BANK1: variants seen among roughly 807,000 people sequenced by gnomAD.
BANK1 encodes B-cell scaffold protein with ankyrin repeats.
Under a neutral mutation model 94.5 loss-of-function variants are expected in BANK1, and 95 were observed. That is an observed-to-expected ratio of 1.00 (90% CI 0.85 to 1.19). BANK1 has a LOEUF of 1.19. BANK1 is among the 50% of genes most tolerant of loss of function. BANK1 has a pLI of 0.00. For missense variants in BANK1, 987 were observed against 932.2 expected (o/e 1.06, Z -0.77); for synonymous variants, 334 against 308.4 (o/e 1.08, Z -0.87).
intron 13 of BANK1, among the ~76,000 whole-genome samples, chr4:102,066,167 G>A (rs1167677392): frequency 1.3e-5 from 2 of 150,880 alleles, no homozygotes; most frequent in African/African-American, 4.9e-5. Flanking sequence ...CTTGAAAGCA[G>A]CCAGAGAAAA....
At chr4:101,890,898 T>A (rs1429302679) in intron 5 of BANK1, among the ~76,000 whole-genome samples, 2 of 151,840 alleles carry the variant, frequency 1.3e-5, no homozygotes, top group Non-Finnish European at 2.9e-5. Context: ...CCAGTTTGAG[T>A]GAAGTATAAA....
Position 101,790,922 on chromosome 4 carries a change from C to T in BANK1, c.42C>T (p.Asp14=), listed in dbSNP as rs765841651. 23 of 1,533,016 alleles carry T rather than the reference C, an allele frequency of 1.5e-5. 1 individual carries two copies. The highest frequency in any genetic ancestry group is 1.8e-5 in the Non-Finnish European group (21 of 1,145,244). The allele number at this position is 1,533,016 out of a possible 1,614,324, so 95.0% of individuals were successfully genotyped here. A position where few individuals can be genotyped will look rare whatever the true frequency, so the allele number is the denominator to read the frequency against. Residue 14 remains aspartate, a synonymous_variant, in exon 1 of 17, where the codon GAC becomes GAT. Transcript: ENST00000322953. ...CAGGCAAGGGGCTTGGGAGCCCGGA[C>T]CCCGCCCCCTGCGGCCCAGCGCCCC... ...AAPGKGLGSP[D]PAPCGPAPPG...
At position 101,908,946 on chromosome 4, in the gene BANK1, T is replaced by G. The variant is rs1327093072; in HGVS notation, c.1010-9047T>G. On this transcript the variant is annotated intron_variant, in intron 6 of 16. Coordinates refer to ENST00000322953, the MANE Select transcript of BANK1 (RefSeq NM_017935.5). ...GGATGTGGAGAAACAGGAACACTTT[T>G]ACACTGTTGGTGGGACTGTAAACTG... 1.3e-4 allele frequency among the ~76,000 whole-genome samples: 20 copies of G among 152,324 alleles called. No individual in the cohort carries two copies. In the East Asian group the frequency reaches 2.9e-3, roughly 22 times the overall value.
chr4:101,925,812 T>C (rs763750485), intron 7 of BANK1, among the ~76,000 whole-genome samples: 65 of 151,796 alleles, frequency 4.3e-4, no homozygotes, highest in Non-Finnish European at 4.4e-4. Context: ...ACCAATTAGC[T>C]TGTGTAGAAC....
intron 7 of BANK1, among the ~76,000 whole-genome samples, chr4:101,991,710 T>G (rs756421405): frequency 1.3e-5 from 2 of 152,078 alleles, no homozygotes; most frequent in African/African-American, 4.8e-5. Context: ...AACAATTCCA[T>G]GTATATCTGG....
At chr4:101,982,303 C>A (rs1234524239) in intron 7 of BANK1, among the ~76,000 whole-genome samples, 1 of 151,496 alleles carries the variant, frequency 6.6e-6, no homozygotes, top group East Asian at 1.9e-4. Context: ...TAAGACAGAA[C>A]TTTAACAACC....
At chr4:101,821,980 C>T (rs780915733) in intron 1 of BANK1, among the ~76,000 whole-genome samples, 4 of 151,984 alleles carry the variant, frequency 2.6e-5, no homozygotes, top group African/African-American at 9.7e-5. Flanking sequence ...GGCCATCCTC[C>T]GGGAAAGAAA....
At chr4:101,818,638 G>A (rs535335864) in intron 1 of BANK1, among the ~76,000 whole-genome samples, 50 of 152,110 alleles carry the variant, frequency 3.3e-4, no homozygotes, top group African/African-American at 1.2e-3. Context: ...AAGAGAAAGA[G>A]AAACCACATT....
chr4:101,895,832 C>T (rs1471787865), intron 6 of BANK1, among the ~76,000 whole-genome samples: 1 of 151,626 alleles, frequency 6.6e-6, no homozygotes, highest in East Asian at 1.9e-4. Context: ...ATTTATGCTT[C>T]CCGGGGTGAT....
chr4:101,964,581 A>T (rs554532509), intron 7 of BANK1, among the ~76,000 whole-genome samples: 155 of 152,154 alleles, frequency 1.0e-3, no homozygotes, highest in African/African-American at 3.6e-3. Flanking sequence ...AAGTTCAATT[A>T]TGAAACTTAC....
intron 7 of BANK1, among the ~76,000 whole-genome samples, chr4:101,956,167 A>G (rs1724329813): frequency 6.6e-6 from 1 of 152,176 alleles, no homozygotes; most frequent in Non-Finnish European, 1.5e-5. Flanking sequence ...GGGACTCAAA[A>G]CAAGGAAGAC....
intron 1 of BANK1, among the ~76,000 whole-genome samples, chr4:101,829,002 A>G (rs542068913): frequency 1.3e-5 from 2 of 151,980 alleles, no homozygotes; most frequent in African/African-American, 2.4e-5. Context: ...GCCTGGGACT[A>G]CAGGCACCCA....
intron 11 of BANK1, among the ~76,000 whole-genome samples, chr4:102,052,337 G>A (rs1728081017): frequency 6.6e-6 from 1 of 151,446 alleles, no homozygotes; most frequent in Admixed American, 6.6e-5. Flanking sequence ...AGGATGGTCT[G>A]GATCTCTTGA....
chr4:101,853,823 G>T (rs780274972), intron 2 of BANK1, among the ~76,000 whole-genome samples: 57 of 152,240 alleles, frequency 3.7e-4, no homozygotes, highest in African/African-American at 1.3e-3. Context: ...ACCGCGTAGA[G>T]GGCAGGAGAA....
chr4:102,052,354 G>A (rs920973934), intron 11 of BANK1, among the ~76,000 whole-genome samples: 3 of 152,040 alleles, frequency 2.0e-5, no homozygotes, highest in Non-Finnish European at 1.5e-5. Context: ...TTGACCTCAT[G>A]ATCCACCCAC....
intron 13 of BANK1, among the ~76,000 whole-genome samples, chr4:102,067,344 T>C (rs915590427): frequency 1.3e-5 from 2 of 152,108 alleles, no homozygotes; most frequent in Admixed American, 6.5e-5. Flanking sequence ...TAAATGCTTC[T>C]TTTAAAAAGC....
At chr4:101,804,211 C>T (rs991450844) in intron 1 of BANK1, among the ~76,000 whole-genome samples, 1 of 151,838 alleles carries the variant, frequency 6.6e-6, no homozygotes, top group South Asian at 2.1e-4. Context: ...AGAATGTAGA[C>T]AACTATAAAG....
chr4:101,807,785 T>C (rs1293315763), intron 1 of BANK1, among the ~76,000 whole-genome samples: 1 of 152,096 alleles, frequency 6.6e-6, no homozygotes, highest in East Asian at 1.9e-4. Context: ...TAGACCTGGA[T>C]TTTTAAAATT....
At chr4:101,908,695 C>CT (rs1722552949) in intron 6 of BANK1, among the ~76,000 whole-genome samples, 2 of 151,978 alleles carry the variant, frequency 1.3e-5, no homozygotes, top group Admixed American at 1.3e-4. Context: ...ACAATGAACT[C>CT]AAACAAATTT....
Sources: allele counts gnomAD v4.1 joint callset (sites outside exome capture counted in the v4.1 genomes callset), GRCh38; gene constraint gnomAD v4.1.1; transcripts MANE v1.5; gene names NCBI Gene and HGNC (gene_info 2026-07-23, HGNC 2026-07-21).